Variants in CTBP2 observed in about 807,000 individuals in gnomAD.
CTBP2 encodes the protein C-terminal-binding protein 2.
A neutral mutation model predicts 80.3 loss-of-function variants in CTBP2; 30 were observed. The observed-to-expected ratio is 0.37, with a 90% CI of 0.28 to 0.51. CTBP2 has a LOEUF of 0.51. Ranked by LOEUF, CTBP2 falls within the 20% of genes least tolerant of loss-of-function variation. The probability of loss-of-function intolerance (pLI) is 0.93; values close to 1 mark genes in which losing one functional copy is unlikely to be tolerated. For synonymous variants in CTBP2, 594 were observed against 587.4 expected (o/e 1.01, Z -0.16); for missense variants, 1,212 against 1,375.3 (o/e 0.88, Z 1.88).
At chr10:125,104,744 C>T (rs924947663) in intron 2 of CTBP2, among the ~76,000 whole-genome samples, 2 of 152,232 alleles carry the variant, frequency 1.3e-5, no homozygotes, top group Admixed American at 6.5e-5. Context: ...CAAAAGCATT[C>T]AGTCGACCAA....
intron 2 of CTBP2, among the ~76,000 whole-genome samples, chr10:125,094,441 G>A (rs1344016900): frequency 6.6e-6 from 1 of 152,228 alleles, no homozygotes; most frequent in Non-Finnish European, 1.5e-5. Context: ...ACAGCCCAAG[G>A]AAGCAACGAT....
At chr10:125,043,088 C>T (rs903883524) in intron 2 of CTBP2, among the ~76,000 whole-genome samples, 1 of 152,196 alleles carries the variant, frequency 6.6e-6, no homozygotes, top group Non-Finnish European at 1.5e-5. Flanking sequence ...CTTGTAGATA[C>T]TTGGTTGTTT....
chr10:125,025,959 G>A (rs1957489037), intron 1 of CTBP2: 1 of 1,257,284 alleles, frequency 8.0e-7, no homozygotes, highest in African/African-American at 1.5e-5. Flanking sequence ...TTCTTGTTTG[G>A]TGGTGTGTGT....
chr10:125,111,145 T>G (rs1019425894), intron 1 of CTBP2, 52 bp from the exon 2 acceptor site: 2 of 152,364 alleles, frequency 1.3e-5, no homozygotes, highest in East Asian at 1.9e-4. Flanking sequence ...ATTTTTTTTT[T>G]TTGTTTACAT....
intron 2 of CTBP2, among the ~76,000 whole-genome samples, chr10:125,078,856 G>C (rs1846709503): frequency 6.6e-6 from 1 of 151,996 alleles, no homozygotes; most frequent in Admixed American, 6.6e-5. Flanking sequence ...GGAATAACCA[G>C]GCCTGGCACG....
intron 2 of CTBP2, among the ~76,000 whole-genome samples, chr10:125,092,176 CTTTTTTTTTTTTT>C (rs71029238): frequency 2.1e-4 from 18 of 87,128 alleles, no homozygotes; most frequent in East Asian, 1.1e-3. Context: ...TCTGAAGATT[CTTTTTTTTTTTTT>C]TTTTTTTTTT....
intron 1 of CTBP2, among the ~76,000 whole-genome samples, chr10:125,111,347 G>A (rs1446135206): frequency 2.0e-5 from 3 of 152,192 alleles, no homozygotes; most frequent in Admixed American, 2.0e-4. Flanking sequence ...AAAGCAGAAG[G>A]TGATATTGTG....
chr10:125,040,732 T>C (rs1959474734), intron 2 of CTBP2, among the ~76,000 whole-genome samples: 2 of 152,144 alleles, frequency 1.3e-5, no homozygotes, highest in African/African-American at 2.4e-5. Flanking sequence ...TCATCAGTTA[T>C]GCAAAACATT....
At chr10:124,994,261 T>G (rs1043557145) in intron 5 of CTBP2, among the ~76,000 whole-genome samples, 1 of 152,206 alleles carries the variant, frequency 6.6e-6, no homozygotes, top group Non-Finnish European at 1.5e-5. Context: ...AGCTGGGTCC[T>G]GGCTAGCGCC....
At chr10:125,144,699 C>T (rs1431490054) in intron 1 of CTBP2, among the ~76,000 whole-genome samples, 3 of 152,046 alleles carry the variant, frequency 2.0e-5, no homozygotes, top group Non-Finnish European at 4.4e-5. Context: ...GTAAATGCAC[C>T]TTTTGCTGAT....
At chr10:124,995,889 C>T (rs1350075671) in intron 4 of CTBP2, among the ~76,000 whole-genome samples, 1 of 152,056 alleles carries the variant, frequency 6.6e-6, no homozygotes, top group Non-Finnish European at 1.5e-5. Context: ...GCCTGCCTTC[C>T]CCCGTTCCTG....
intron 2 of CTBP2, among the ~76,000 whole-genome samples, chr10:125,073,437 C>T (rs1306455197): frequency 3.9e-5 from 6 of 152,148 alleles, no homozygotes; most frequent in Admixed American, 6.5e-5. Context: ...AGAGACAGGG[C>T]TTCACCATGT....
rs1469364014 is a variant in CTBP2, at chr10:125,003,511, T to C, written c.1679-19A>G. On this transcript the variant is annotated intron_variant, in intron 1 of 8. Coordinates refer to ENST00000309035, the MANE Select transcript of CTBP2 (RefSeq NM_022802.3). ...CGGATACCTGCCAGGAGGGAAGGGGTGAGCACAGTGGGTGGGTGGCTGGGG... is the reference window on the plus strand; with the variant it reads ...CGGATACCTGCCAGGAGGGAAGGGGCGAGCACAGTGGGTGGGTGGCTGGGG... 2 of 1,532,870 alleles carry C rather than the reference T, an allele frequency of 1.3e-6. No individual in the cohort carries two copies. The highest frequency in any genetic ancestry group is 1.8e-6 in the Non-Finnish European group (2 of 1,142,680). 95.0% of individuals were successfully genotyped at this position (1,532,870 alleles called of 1,614,324 possible).
intron 2 of CTBP2, among the ~76,000 whole-genome samples, chr10:125,102,592 T>C (rs533218244): frequency 6.6e-6 from 1 of 152,290 alleles, no homozygotes; most frequent in South Asian, 2.1e-4. Flanking sequence ...TGTGTCATGG[T>C]TTAGAGGTCA....
intron 2 of CTBP2, among the ~76,000 whole-genome samples, chr10:125,057,580 G>A (rs1289653139): frequency 6.6e-6 from 1 of 152,202 alleles, no homozygotes; most frequent in Non-Finnish European, 1.5e-5. Context: ...CCAGGCCACA[G>A]AATCTCCAGC....
intron 1 of CTBP2, among the ~76,000 whole-genome samples, chr10:125,115,502 T>G (rs1413348261): frequency 6.6e-6 from 1 of 152,130 alleles, no homozygotes. Flanking sequence ...TGCCTGTGAT[T>G]TGGAGGTAAC....
At position 124,994,676 on chromosome 10, in the gene CTBP2, C is replaced by T. The variant is rs112736962; in HGVS notation, c.2193G>A (p.Thr731=). 1.1e-3 allele frequency: 1,724 copies of T among 1,614,220 alleles called. 11 individuals carry two copies. The African/African-American group carries it at 0.015, about 14-fold the overall frequency. Reference sequence around the variant, plus strand: ...TGGCTCGAACTGCAACCGCCTGCCCCGTGCGACCTGTACAGAAACAGAGCG... The same window carrying T: ...TGGCTCGAACTGCAACCGCCTGCCCTGTGCGACCTGTACAGAAACAGAGCG... The change falls in exon 5 of 9, where the codon ACG becomes ACA. Residue 731 remains threonine (T), a synonymous_variant. Transcript: ENST00000309035.
At chr10:125,018,231 T>C (rs2134520575) in intron 1 of CTBP2, among the ~76,000 whole-genome samples, 1 of 152,290 alleles carries the variant, frequency 6.6e-6, no homozygotes, top group East Asian at 1.9e-4. Flanking sequence ...CCTTGTCAAA[T>C]GCTCCACAAT....
chr10:125,034,794 C>T (rs1190754638), intron 3 of CTBP2, among the ~76,000 whole-genome samples: 1 of 152,154 alleles, frequency 6.6e-6, no homozygotes, highest in African/African-American at 2.4e-5. Flanking sequence ...ATCTTAAATA[C>T]CAAACAAAAC....
Sources: gnomAD v4.1 joint callset for allele counts (sites outside exome capture counted in the v4.1 genomes callset) on GRCh38, gnomAD v4.1.1 for gene constraint, MANE v1.5 for transcripts, NCBI Gene and HGNC (gene_info 2026-07-23, HGNC 2026-07-21) for gene names.